DHX37: variants seen among roughly 807,000 people sequenced by gnomAD.
DHX37 encodes DEAH-box helicase 37.
DHX37 carries 52 observed loss-of-function variants against 134.3 expected under a neutral mutation model. That is an observed-to-expected ratio of 0.39 (90% confidence interval 0.31 to 0.49). The LOEUF (loss-of-function observed/expected upper bound fraction) is 0.49, where lower values mean the gene tolerates loss of function less well. Among genes scored for constraint, DHX37 ranks in the 20% least tolerant of loss-of-function variants. DHX37 has a pLI of 0.93. For missense variants in DHX37, 1,344 were observed against 1,580.8 expected (o/e 0.85, Z 2.54); for synonymous variants, 634 against 670.7 (o/e 0.95, Z 0.85).
At chr12:124,948,234 G>T in intron 25 of DHX37, 53 bp from the exon 26 acceptor site, 2 of 1,579,496 alleles carry the variant, frequency 1.3e-6, no homozygotes, top group East Asian at 2.3e-5. Context: ...CAGACCGGCT[G>T]CTGCTGGGGG....
chr12:124,976,655 C>G (rs1954647415), intron 5 of DHX37, among the ~76,000 whole-genome samples: 1 of 152,024 alleles, frequency 6.6e-6, no homozygotes. Context: ...TGGTGAAACC[C>G]CGTCTCTACT....
At chr12:124,977,233 C>G (rs1402305018) in intron 5 of DHX37, 109 bp downstream of exon 5, 2 of 1,348,308 alleles carry the variant, frequency 1.5e-6, no homozygotes, top group South Asian at 1.8e-5. Context: ...ACAGCATGCA[C>G]AGGGCAGATC....
At chr12:124,960,109 C>T (rs1030731374) in intron 16 of DHX37, among the ~76,000 whole-genome samples, 17 of 152,330 alleles carry the variant, frequency 1.1e-4, no homozygotes, top group African/African-American at 4.1e-4. Context: ...ACAGCCATCC[C>T]CTGGGTGTCC....
rs749101115 is a variant in DHX37 at position 124,958,933 on chromosome 12, G to A, written c.2157+1379C>T. Among the ~76,000 whole-genome samples the A allele has an allele frequency of 2.4e-4, 34 of 142,062 alleles. 1 individual carries two copies. The highest frequency in any genetic ancestry group is 1.8e-3 in the Admixed American group (26 of 14,082). 93.2% of individuals were successfully genotyped at this position (142,062 alleles called of 152,430 possible). On this transcript the variant is annotated intron_variant, in intron 16 of 26. Coordinates refer to ENST00000308736, the MANE Select transcript of DHX37 (RefSeq NM_032656.4). ...AGCTTTTTTTTTTTTTTTTTGGGAC[G>A]GAGTCTTGCTCTGTCTCCCAGTCTG...
chr12:124,952,799 G>A (rs890663551), intron 20 of DHX37: 3 of 375,440 alleles, frequency 8.0e-6, no homozygotes, highest in Admixed American at 4.5e-5. Context: ...ATCCTGCCTG[G>A]GCAGCAGAGC....
chr12:124,959,273 C>T (rs1196013211), intron 16 of DHX37, among the ~76,000 whole-genome samples: 2 of 152,070 alleles, frequency 1.3e-5, no homozygotes, highest in Admixed American at 6.6e-5. Context: ...CGGGGTTTCA[C>T]CTTGTTGGCC....
chr12:124,971,088 G>A (rs1954513355), intron 8 of DHX37, among the ~76,000 whole-genome samples: 1 of 152,248 alleles, frequency 6.6e-6, no homozygotes, highest in Non-Finnish European at 1.5e-5. Context: ...CTGGCACCGG[G>A]GCGGTGGGGA....
Position 124,967,237 on chromosome 12 carries a change from C to T in DHX37, c.1409-19G>A. ...ATGCCACCTGTGGAAAGAATGGGCC[C>T]CTCTGTTATCCATCAGTCACTCACA... On this transcript the variant is annotated intron_variant, in intron 10 of 26. Transcript: ENST00000308736. The T allele has an allele frequency of 6.2e-7, 1 of 1,611,182 alleles. No individual in the cohort carries two copies. Among genetic ancestry groups the T allele is most frequent in the Non-Finnish European group, 8.5e-7 (1 of 1,179,038 alleles).
chr12:124,965,425 C>T (rs937482914), intron 13 of DHX37, among the ~76,000 whole-genome samples: 2 of 152,204 alleles, frequency 1.3e-5, no homozygotes, highest in African/African-American at 2.4e-5. Context: ...TGCGAGCACA[C>T]GGAGCTGGGC....
At position 124,950,200 on chromosome 12, in the gene DHX37, T is replaced by G. The variant is rs757141591; in HGVS notation, c.3165A>C (p.Pro1055=). ...AGTGCTTGTAGCGGTCAATCCCCTC[T>G]GGAAAATCCACCTCGATGGCGGGGA... ...WPLPAIEVDF[P]EGIDRYKHFA... is the part of the protein sequence containing the mutation. The change falls in exon 24 of 27, where the codon CCA becomes CCC. Residue 1055 remains proline (P), a synonymous_variant. Transcript: ENST00000308736. The G allele has an allele frequency of 3.1e-6, 5 of 1,614,010 alleles. No individual in the cohort carries two copies. Among genetic ancestry groups the G allele is most frequent in the Non-Finnish European group, 4.2e-6 (5 of 1,180,032 alleles).
chr12:124,957,735 C>T (rs1448158420), intron 16 of DHX37, among the ~76,000 whole-genome samples: 2 of 151,538 alleles, frequency 1.3e-5, no homozygotes, highest in African/African-American at 4.9e-5. Flanking sequence ...TTCAGTGAGC[C>T]GAGATCACAC....
intron 2 of DHX37, among the ~76,000 whole-genome samples, chr12:124,983,439 ACACACAG>A: frequency 6.6e-6 from 1 of 151,704 alleles, no homozygotes; most frequent in East Asian, 1.9e-4. Context: ...ACACACACAC[ACACACAG>A]AACAAGGTAT....
chr12:124,987,076 C>G (rs2135976215), intron 1 of DHX37, among the ~76,000 whole-genome samples: 1 of 152,280 alleles, frequency 6.6e-6, no homozygotes, highest in African/African-American at 2.4e-5. Flanking sequence ...TACGGTGGGG[C>G]CGGGCGCGGT....
intron 7 of DHX37, 49 bp downstream of exon 7, chr12:124,972,454 G>GC (rs1566345074): frequency 1.3e-6 from 2 of 1,595,446 alleles, no homozygotes; most frequent in Non-Finnish European, 1.7e-6. Flanking sequence ...CTAGCATCCC[G>GC]CCCCCATGCC....
chr12:124,947,543 C>G lies in DHX37; in HGVS notation c.*259G>C. ...AGTCCAAAGAGCACACTGAACAGAA[C>G]AGCGTCCAGCACGTGAGATGAAATC... On this transcript the variant is annotated 3_prime_UTR_variant, in exon 27 of 27. Transcript: ENST00000308736. 2.1e-6 allele frequency: 1 copy of G among 471,398 alleles called. No individual in the cohort carries two copies. The highest frequency in any genetic ancestry group is 3.9e-5 in the South Asian group (1 of 25,604). 29.2% of individuals were successfully genotyped at this position (471,398 alleles called of 1,614,324 possible).
rs546750792 is a variant in DHX37, at chr12:124,959,166, C to T, written c.2157+1146G>A. Among the ~76,000 whole-genome samples the T allele has an allele frequency of 8.2e-4, 124 of 151,752 alleles. 1 individual carries two copies. Among genetic ancestry groups the T allele is most frequent in the African/African-American group, 2.9e-3 (119 of 41,234 alleles). ...TCGGCCCATTGCAACCTCCGCCTCCCGGGTTCAAGTGATTATCCTGCCTCA... is the reference window on the plus strand; with the variant it reads ...TCGGCCCATTGCAACCTCCGCCTCCTGGGTTCAAGTGATTATCCTGCCTCA... On this transcript the variant is annotated intron_variant, in intron 16 of 26. Coordinates refer to ENST00000308736, the MANE Select transcript of DHX37 (RefSeq NM_032656.4).
At chr12:124,960,933 G>A (rs1466786890) in intron 15 of DHX37, among the ~76,000 whole-genome samples, 3 of 152,238 alleles carry the variant, frequency 2.0e-5, no homozygotes, top group African/African-American at 7.2e-5. Flanking sequence ...CAGCCTGGGC[G>A]ACAGAGCGAG....
In DHX37 at chr12:124,986,077, C is replaced by T. The variant is rs1420625988; in HGVS notation, c.276+19G>A. The T allele has an allele frequency of 4.3e-6, 7 of 1,612,630 alleles. No homozygotes were observed. Among genetic ancestry groups the T allele is most frequent in the Admixed American group, 1.7e-5 (1 of 59,674 alleles). Reference sequence around the variant, plus strand: ...TATGCTGGAGAGCCACTTGCAGACCCTGCCCGAGTGGGGTGTACCTGGCTC... The same window carrying T: ...TATGCTGGAGAGCCACTTGCAGACCTTGCCCGAGTGGGGTGTACCTGGCTC... On this transcript the variant is annotated intron_variant, in intron 2 of 26. Coordinates refer to ENST00000308736, the MANE Select transcript of DHX37 (RefSeq NM_032656.4).
At chr12:124,969,162 TC>T (rs1300374651) in intron 8 of DHX37, among the ~76,000 whole-genome samples, 194 bp from the exon 9 acceptor site, 1 of 152,144 alleles carries the variant, frequency 6.6e-6, no homozygotes, top group African/African-American at 2.4e-5. Flanking sequence ...GGTGGCTTGT[TC>T]CAGGGGGTCT....
Sources: gnomAD v4.1 joint callset for allele counts (sites outside exome capture counted in the v4.1 genomes callset) on GRCh38, gnomAD v4.1.1 for gene constraint, MANE v1.5 for transcripts, NCBI Gene and HGNC (gene_info 2026-07-23, HGNC 2026-07-21) for gene names.